CIB2: variants seen among roughly 807,000 people sequenced by gnomAD.
CIB2 encodes the protein calcium and integrin binding family member 2.
In CIB2, 19 loss-of-function variants were observed where a neutral mutation model predicts 23.1. That is an observed-to-expected ratio of 0.82 (90% CI 0.57 to 1.21). CIB2 has a LOEUF of 1.21. CIB2 is among the 50% of genes most tolerant of loss of function. CIB2 has a pLI of 0.00. For missense variants in CIB2, 220 were observed against 241.5 expected, an observed-to-expected ratio of 0.91 and a Z score of 0.59; for synonymous variants, 94 against 91.7, an observed-to-expected ratio of 1.03 and a Z score of -0.14.
intron 4 of CIB2, among the ~76,000 whole-genome samples, chr15:78,106,585 T>G (rs1191579129): frequency 6.6e-6 from 1 of 152,122 alleles, no homozygotes; most frequent in Admixed American, 6.5e-5. Context: ...AGCAAAATGG[T>G]TCAGAGGACC....
At chr15:78,128,623 G>A (rs1360293876) in intron 1 of CIB2, among the ~76,000 whole-genome samples, 8 of 151,338 alleles carry the variant, frequency 5.3e-5, no homozygotes, top group Non-Finnish European at 1.0e-4. Flanking sequence ...GCTGGGATGC[G>A]GAGGTTGCAG....
intron 1 of CIB2, among the ~76,000 whole-genome samples, chr15:78,127,195 G>C (rs1323966857): frequency 6.6e-6 from 1 of 152,166 alleles, no homozygotes; most frequent in African/African-American, 2.4e-5. Flanking sequence ...TAGCTCTGCT[G>C]TCTTTCCCTT....
intron 1 of CIB2, among the ~76,000 whole-genome samples, chr15:78,127,413 A>G (rs1422834772): frequency 6.6e-6 from 1 of 152,138 alleles, no homozygotes; most frequent in Non-Finnish European, 1.5e-5. Context: ...AGGGAAGGAG[A>G]GAGGGGGCCT....
At chr15:78,125,689 C>T (rs977845295) in intron 1 of CIB2, among the ~76,000 whole-genome samples, 2 of 152,142 alleles carry the variant, frequency 1.3e-5, no homozygotes, top group African/African-American at 2.4e-5. Flanking sequence ...GGGTGGGGTC[C>T]AGGGATCTGC....
chr15:78,105,187 G>A lies in CIB2; in HGVS notation c.*124C>T, dbSNP rs1356382194. 1.4e-5 allele frequency: 19 copies of A among 1,322,402 alleles called. No homozygotes were observed. The highest frequency in any genetic ancestry group is 2.0e-5 in the Non-Finnish European group (19 of 941,112). 81.9% of individuals were successfully genotyped at this position (1,322,402 alleles called of 1,614,324 possible). A position where few individuals can be genotyped will look rare whatever the true frequency, so the allele number is the denominator to read the frequency against. On this transcript the variant is annotated 3_prime_UTR_variant, in exon 6 of 6. Coordinates refer to ENST00000258930, the MANE Select transcript of CIB2 (RefSeq NM_006383.4). The stretch of plus-strand genomic sequence containing the variant: ...TTTTTTTTTTGCTGAAAGGGCCACA[G>A]GATATATTTGTGGTGTAAACCCCAG...
intron 2 of CIB2, among the ~76,000 whole-genome samples, chr15:78,116,116 ATAAG>A (rs914773393): frequency 1.1e-4 from 16 of 152,134 alleles, no homozygotes; most frequent in Non-Finnish European, 2.1e-4. Context: ...ATTAGGTGTT[ATAAG>A]TAATGTAGTA....
At chr15:78,125,580 G>A (rs530396669) in intron 1 of CIB2, among the ~76,000 whole-genome samples, 2 of 152,270 alleles carry the variant, frequency 1.3e-5, no homozygotes, top group East Asian at 1.9e-4. Context: ...TGGTCCTCAC[G>A]CTGTGGCTCC....
chr15:78,122,293 T>A (rs1381288676), intron 2 of CIB2, among the ~76,000 whole-genome samples: 3 of 151,548 alleles, frequency 2.0e-5, no homozygotes, highest in Non-Finnish European at 2.9e-5. Context: ...CTCCAGGGAG[T>A]GGAGATAGCC....
At chr15:78,126,452 T>C (rs1427357593) in intron 1 of CIB2, among the ~76,000 whole-genome samples, 2 of 152,124 alleles carry the variant, frequency 1.3e-5, no homozygotes, top group Non-Finnish European at 2.9e-5. Flanking sequence ...CCTTCTTTTT[T>C]TCTTTTTAAT....
intron 1 of CIB2, among the ~76,000 whole-genome samples, chr15:78,126,370 C>T (rs1216621603): frequency 6.6e-6 from 1 of 152,224 alleles, no homozygotes; most frequent in Non-Finnish European, 1.5e-5. Context: ...GTCTCGAACT[C>T]CTGACCTCAG....
At chr15:78,109,134 C>G (rs2074113860) in intron 4 of CIB2, 101 bp downstream of exon 4, 5 of 1,351,870 alleles carry the variant, frequency 3.7e-6, no homozygotes, top group Non-Finnish European at 5.1e-6. Context: ...CTTCACTGTT[C>G]TTGGTGTCCC....
At chr15:78,105,389 G>C in intron 5 of CIB2, 57 bp from the exon 6 acceptor site, 4 of 1,611,002 alleles carry the variant, frequency 2.5e-6, no homozygotes, top group Non-Finnish European at 3.4e-6. Flanking sequence ...GCAGGTAAAG[G>C]CTCCTCAGGG....
chr15:78,111,232 A>G lies in CIB2; in HGVS notation c.131T>C (p.Met44Thr). Residue 44 changes from methionine to threonine, a missense_variant, in exon 3 of 6, where the codon ATG (methionine) becomes ACG (threonine). Coordinates refer to ENST00000258930, the MANE Select transcript of CIB2 (RefSeq NM_006383.4). ...GACGATGGGGCTCTTCCTGTAGTCC[A>G]TTGGGACGAGGTTGGGGGCCAGCTC... ...FYELAPNLVP[M>T]DYRKSPIVHV... is the part of the protein sequence containing the mutation. The G allele has an allele frequency of 6.2e-7, 1 of 1,614,146 alleles. No homozygotes were observed. Among genetic ancestry groups the G allele is most frequent in the Non-Finnish European group, 8.5e-7 (1 of 1,180,020 alleles).
chr15:78,107,537 TC>T (rs1258003160), intron 4 of CIB2, among the ~76,000 whole-genome samples: 2 of 152,118 alleles, frequency 1.3e-5, no homozygotes, highest in Non-Finnish European at 1.5e-5. Context: ...GCCCCAGGCC[TC>T]CCCAGCGCCA....
chr15:78,115,921 G>A (rs907895722), intron 2 of CIB2, among the ~76,000 whole-genome samples: 2 of 151,578 alleles, frequency 1.3e-5, no homozygotes, highest in Non-Finnish European at 2.9e-5. Context: ...TTTCTCCCCA[G>A]GAGCACTAAT....
chr15:78,111,132 C>A (rs1285218210), intron 3 of CIB2, 33 bp downstream of exon 3: 2 of 1,585,822 alleles, frequency 1.3e-6, no homozygotes, highest in East Asian at 2.2e-5. Flanking sequence ...AGGCACAGAT[C>A]CCCTGCTCGC....
chr15:78,123,779 C>G (rs755286388), intron 1 of CIB2, 40 bp from the exon 2 acceptor site: 2 of 1,612,918 alleles, frequency 1.2e-6, no homozygotes, highest in South Asian at 2.2e-5. Flanking sequence ...CAGTGTGCGG[C>G]TCCCAGACTT....
intron 1 of CIB2, among the ~76,000 whole-genome samples, chr15:78,128,419 G>A (rs1266987655): frequency 6.6e-6 from 1 of 152,236 alleles, no homozygotes; most frequent in Non-Finnish European, 1.5e-5. Flanking sequence ...GCTCACACCT[G>A]TAATCCCAAC....
chr15:78,119,653 G>A (rs568223440), intron 2 of CIB2, among the ~76,000 whole-genome samples: 2 of 151,326 alleles, frequency 1.3e-5, no homozygotes, highest in South Asian at 2.1e-4. Flanking sequence ...TGCAACCTCC[G>A]CCTCCTGGGT....
Sources: gnomAD v4.1 joint callset for allele counts (sites outside exome capture counted in the v4.1 genomes callset) on GRCh38, gnomAD v4.1.1 for gene constraint, MANE v1.5 for transcripts, NCBI Gene and HGNC (gene_info 2026-07-23, HGNC 2026-07-21) for gene names.